Variants in BRD2 observed in about 807,000 individuals in gnomAD.
The protein encoded by BRD2 is bromodomain containing 2, also known as bromodomain-containing protein 2.
A neutral mutation model predicts 79.1 loss-of-function variants in BRD2; 15 were observed. The observed-to-expected ratio is 0.19, with a 90% CI of 0.13 to 0.29. BRD2 has a LOEUF of 0.29. Among genes scored for constraint, BRD2 ranks in the 10% least tolerant of loss-of-function variants. The pLI is 1.00. For synonymous variants in BRD2, 488 were observed against 358.6 expected, an observed-to-expected ratio of 1.36 and a Z score of -4.08; for missense variants, 1,053 against 991.3, an observed-to-expected ratio of 1.06 and a Z score of -0.84.
Position 32,976,862 on chromosome 6 carries a change from G to C in BRD2, c.1126G>C (p.Val376Leu). ...CTATGCTTGGCCTTTCTATAAACCA[G>C]TGGATGCTTCTGCACTTGGCCTGCA... ...AAYAWPFYKP[V>L]DASALGLHDY... The change falls in exon 7 of 13, where the codon GTG (valine) becomes CTG (leucine). Residue 376 changes from valine to leucine, a missense_variant. Transcript: ENST00000374825. 6.2e-7 allele frequency: 1 copy of C among 1,613,124 alleles called. No individual in the cohort carries two copies. Among genetic ancestry groups the C allele is most frequent in the Non-Finnish European group, 8.5e-7 (1 of 1,180,032 alleles).
chr6:32,972,722 CGA>C lies in BRD2; in HGVS notation c.-173_-172del. Reference sequence around the variant, plus strand: ...GCGCGCCAAGCTGCCCGGAGCTCTCCGAGAGGCCCCAAAGAGACTGCTTTCGT... The same window carrying C: ...GCGCGCCAAGCTGCCCGGAGCTCTCCGAGGCCCCAAAGAGACTGCTTTCGT... On this transcript the variant is annotated 5_prime_UTR_variant, in exon 2 of 13. Transcript: ENST00000374825. 1.1e-6 allele frequency: 1 copy of C among 908,350 alleles called. No individual in the cohort carries two copies. The highest frequency in any genetic ancestry group is 1.7e-6 in the Non-Finnish European group (1 of 597,960). The allele number at this position is 908,350 out of a possible 1,614,324, so 56.3% of individuals were successfully genotyped here.
Position 32,977,738 on chromosome 6 carries a change from A to G in BRD2, c.1330-19A>G. On this transcript the variant is annotated intron_variant, in intron 8 of 12. Coordinates refer to ENST00000374825, the MANE Select transcript of BRD2 (RefSeq NM_005104.4). ...GGCACTGTTTATCAGCATAGTTTTG[A>G]GTTTGTGCCTCTTTGTAGGATGTAT... 1 of 1,612,500 alleles carries G rather than the reference A, an allele frequency of 6.2e-7. No homozygotes were observed. Among genetic ancestry groups the G allele is most frequent in the Non-Finnish European group, 8.5e-7 (1 of 1,179,720 alleles).
Position 32,974,058 on chromosome 6 carries a change from C to T in BRD2, c.30-404C>T, listed in dbSNP as rs907549029. Among the ~76,000 whole-genome samples, 3 of 152,102 alleles carry T rather than the reference C, an allele frequency of 2.0e-5. No individual in the cohort carries two copies. The East Asian group carries it at 5.8e-4, about 29-fold the overall frequency. ...TTTCCTCCTTACCGGCGCTCAACCA[C>T]CATGGCAACCACCAAACCCCTAGTG... On this transcript the variant is annotated intron_variant, in intron 2 of 12. Coordinates refer to ENST00000374825, the MANE Select transcript of BRD2 (RefSeq NM_005104.4).
At position 32,977,460 on chromosome 6, in the gene BRD2, G is replaced by C. The variant is rs757526760; in HGVS notation, c.1219G>C (p.Asp407His). 6.2e-7 allele frequency: 1 copy of C among 1,613,856 alleles called. No homozygotes were observed. Among genetic ancestry groups the C allele is most frequent in the African/African-American group, 1.3e-5 (1 of 74,930 alleles). Residue 407 changes from aspartate to histidine, a missense_variant, in exon 8 of 13, where the codon GAT (aspartate) becomes CAT (histidine). Coordinates refer to ENST00000374825, the MANE Select transcript of BRD2 (RefSeq NM_005104.4). ...STVKRKMENR[D>H]YRDAQEFAAD... is the part of the protein sequence containing the mutation. ...TCTGCAGCGGAAGATGGAGAACCGT[G>C]ATTACCGGGATGCACAGGAGTTTGC...
In BRD2 at chr6:32,972,559, A is replaced by G. The variant is rs530368795; in HGVS notation, c.-340A>G. On this transcript the variant is annotated 5_prime_UTR_variant, in exon 2 of 13. Transcript: ENST00000374825. The stretch of plus-strand genomic sequence containing the variant: ...CCGTAGGGGCCCGACAAGAAGAGGG[A>G]ATCCCTGCAGACCAACAGCGGGCTA... The G allele has an allele frequency of 1.1e-4, 48 of 426,656 alleles. No individual in the cohort carries two copies. The highest frequency in any genetic ancestry group is 7.8e-4 in the African/African-American group (38 of 48,606). The allele number at this position is 426,656 out of a possible 1,614,324, so 26.4% of individuals were successfully genotyped here.
intron 11 of BRD2, 94 bp downstream of exon 11, chr6:32,980,226 T>C: frequency 1.3e-6 from 2 of 1,574,636 alleles, no homozygotes; most frequent in Non-Finnish European, 1.7e-6. Context: ...GCTCCCAGGA[T>C]AATGGGATGT....
intron 12 of BRD2, 21 bp from the exon 13 acceptor site, chr6:32,980,561 A>G: frequency 6.2e-7 from 1 of 1,613,032 alleles, no homozygotes; most frequent in South Asian, 1.1e-5. Flanking sequence ...AACGTCTTTA[A>G]CTTTCGAATT....
chr6:32,979,863 C>T lies in BRD2; in HGVS notation c.1877C>T (p.Ala626Val). The part of the protein sequence containing the change: ...PKKATKTAPP[A>V]LPTGYDSEEE... Reference sequence around the variant, plus strand: ...AAGGCCACAAAGACAGCCCCACCTGCCCTGCCTACAGGTTATGATTCAGAG... The same window carrying T: ...AAGGCCACAAAGACAGCCCCACCTGTCCTGCCTACAGGTTATGATTCAGAG... The change falls in exon 11 of 13, where the codon GCC becomes GTC. Residue 626 changes from alanine to valine, a missense_variant. Coordinates refer to ENST00000374825, the MANE Select transcript of BRD2 (RefSeq NM_005104.4). 6.2e-7 allele frequency: 1 copy of T among 1,612,892 alleles called. No individual in the cohort carries two copies. Among genetic ancestry groups the T allele is most frequent in the East Asian group, 2.2e-5 (1 of 44,878 alleles).
rs1779498045 is a variant in BRD2 at position 32,981,152 on chromosome 6, G to T, written c.*434G>T. 2 of 160,254 alleles carry T rather than the reference G, an allele frequency of 1.2e-5. No individual in the cohort carries two copies. Among genetic ancestry groups the T allele is most frequent in the African/African-American group, 4.8e-5 (2 of 41,482 alleles). 9.9% of individuals were successfully genotyped at this position (160,254 alleles called of 1,614,324 possible). On this transcript the variant is annotated 3_prime_UTR_variant, in exon 13 of 13. Coordinates refer to ENST00000374825, the MANE Select transcript of BRD2 (RefSeq NM_005104.4). ...TCAGCCTCCATGGGGAGGGAAGAAG[G>T]GGGAGCTCTTTTTTTACGTTGATTT...
At position 32,969,008 on chromosome 6, in the gene BRD2, C is replaced by G. The variant is rs1299454015; in HGVS notation, c.-1353C>G. ...GACACCCCGGATTACATACCCCGTA[C>G]CAAGCCGAGGGCAACTTTGGAGGCC... On this transcript the variant is annotated 5_prime_UTR_variant, in exon 1 of 13. Transcript: ENST00000374825. 1.9e-5 allele frequency: 6 copies of G among 308,940 alleles called. No individual in the cohort carries two copies. The highest frequency in any genetic ancestry group is 3.7e-5 in the Non-Finnish European group (6 of 164,122). The allele number at this position is 308,940 out of a possible 1,614,324, so 19.1% of individuals were successfully genotyped here.
Position 32,979,946 on chromosome 6 carries a change from A to G in BRD2, c.1960A>G (p.Ile654Val). Residue 654 changes from isoleucine (I) to valine (V), a missense_variant, in exon 11 of 13, where the codon ATC becomes GTC. Coordinates refer to ENST00000374825, the MANE Select transcript of BRD2 (RefSeq NM_005104.4). Reference sequence around the variant, plus strand: ...TGAGAAGCGGCAGCTGAGCCTGGACATCAACAAATTACCTGGGGAGAAGCT... The same window carrying G: ...TGAGAAGCGGCAGCTGAGCCTGGACGTCAACAAATTACCTGGGGAGAAGCT... Reference protein sequence around the residue: ...YDEKRQLSLDINKLPGEKLGR... With the variant: ...YDEKRQLSLDVNKLPGEKLGR... 6.2e-7 allele frequency: 1 copy of G among 1,613,260 alleles called. No homozygotes were observed. Among genetic ancestry groups the G allele is most frequent in the Non-Finnish European group, 8.5e-7 (1 of 1,180,036 alleles).
intron 2 of BRD2, 27 bp downstream of exon 2, chr6:32,972,954 A>G: frequency 3.1e-6 from 5 of 1,613,934 alleles, no homozygotes; most frequent in Non-Finnish European, 4.2e-6. Flanking sequence ...CGCGTGTGGG[A>G]AGGGGATGTT....
rs1292534479 is a variant in BRD2 at position 32,972,030 on chromosome 6, G to A, written c.-869G>A. On this transcript the variant is annotated 5_prime_UTR_variant, in exon 2 of 13. Transcript: ENST00000374825. ...TCGTTGCGGCTGGCCAATAGAAAAA[G>A]CTCCCGCGGAGAGGTGTTCCTTCCC... 2 of 701,914 alleles carry A rather than the reference G, an allele frequency of 2.8e-6. No homozygotes were observed. Among genetic ancestry groups the A allele is most frequent in the African/African-American group, 1.7e-5 (1 of 57,150 alleles). The allele number at this position is 701,914 out of a possible 1,614,324, so 43.5% of individuals were successfully genotyped here.
chr6:32,980,625 G>A lies in BRD2; in HGVS notation c.2313G>A (p.Val771=). The change falls in exon 13 of 13, where the codon GTG becomes GTA. Residue 771 remains valine, a synonymous_variant. Transcript: ENST00000374825. ...CATCCTCTGCACAGCAAGTAGCAGT[G>A]TCACGCCTTAGCGCTTCCAGCTCCA... The part of the protein sequence containing the change: ...TESSSAQQVA[V]SRLSASSSSS... 1 of 1,613,182 alleles carries A rather than the reference G, an allele frequency of 6.2e-7. No individual in the cohort carries two copies. Among genetic ancestry groups the A allele is most frequent in the Non-Finnish European group, 8.5e-7 (1 of 1,180,046 alleles).
In BRD2 at chr6:32,971,906, A is replaced by G. The variant is rs1052998019; in HGVS notation, c.-993A>G. On this transcript the variant is annotated 5_prime_UTR_variant, in exon 2 of 13. Coordinates refer to ENST00000374825, the MANE Select transcript of BRD2 (RefSeq NM_005104.4). Reference sequence around the variant, plus strand: ...GAGTCGGCGGACCACAGCTCAGCCAATTGGCTTGGAGATGTGGCGGGTTGC... The same window carrying G: ...GAGTCGGCGGACCACAGCTCAGCCAGTTGGCTTGGAGATGTGGCGGGTTGC... The G allele has an allele frequency of 8.5e-6, 6 of 702,704 alleles. No homozygotes were observed. The highest frequency in any genetic ancestry group is 2.7e-5 in the East Asian group (1 of 37,282). The allele number at this position is 702,704 out of a possible 1,614,324, so 43.5% of individuals were successfully genotyped here. A position where few individuals can be genotyped will look rare whatever the true frequency, so the allele number is the denominator to read the frequency against.
At chr6:32,979,602 GTACGT>G (rs1779261252) in intron 10 of BRD2, 1 of 565,522 alleles carries the variant, frequency 1.8e-6, no homozygotes, top group African/African-American at 1.9e-5. Context: ...ATTAAGGTAT[GTACGT>G]ACATTGTCTT....
At chr6:32,978,431 T>TTTGG in intron 10 of BRD2, 43 bp downstream of exon 10, 4 of 1,593,450 alleles carry the variant, frequency 2.5e-6, no homozygotes, top group Non-Finnish European at 3.4e-6. Context: ...GCTATTTCTG[T>TTTGG]CTCTCTGGGG....
chr6:32,969,219 G>C, intron 1 of BRD2, 163 bp downstream of exon 1: 1 of 562,930 alleles, frequency 1.8e-6, no homozygotes, highest in Non-Finnish European at 3.3e-6. Flanking sequence ...GGGGGCGAGC[G>C]GGAGAGGGCC....
rs1316859103 is a variant in BRD2 at position 32,980,877 on chromosome 6, G to A, written c.*159G>A. On this transcript the variant is annotated 3_prime_UTR_variant, in exon 13 of 13. Transcript: ENST00000374825. ...CTCTGCAGTGGGGGAGGGATGCAGG[G>A]ACATTTACTGAAGGAGGGACATGGA... 2.5e-6 allele frequency: 2 copies of A among 813,974 alleles called. No homozygotes were observed. The highest frequency in any genetic ancestry group is 3.8e-6 in the Non-Finnish European group (2 of 526,902). The allele number at this position is 813,974 out of a possible 1,614,324, so 50.4% of individuals were successfully genotyped here.
Sources: allele counts gnomAD v4.1 joint callset (sites outside exome capture counted in the v4.1 genomes callset), GRCh38; gene constraint gnomAD v4.1.1; transcripts MANE v1.5; gene names NCBI Gene and HGNC (gene_info 2026-07-23, HGNC 2026-07-21).